PIK3R4: variants seen among roughly 807,000 people sequenced by gnomAD.
PIK3R4 encodes phosphoinositide 3-kinase regulatory subunit 4.
PIK3R4 carries 46 observed loss-of-function variants against 136.5 expected under a neutral mutation model. That is an observed-to-expected ratio of 0.34 (90% confidence interval 0.27 to 0.43). The LOEUF is 0.43. Among genes scored for constraint, PIK3R4 ranks in the 20% least tolerant of loss-of-function variants. The pLI is 1.00. For missense variants in PIK3R4, 1,331 were observed against 1,649.5 expected (o/e 0.81, Z 3.35); for synonymous variants, 557 against 566.7 (o/e 0.98, Z 0.24).
intron 16 of PIK3R4, among the ~76,000 whole-genome samples, chr3:130,682,826 G>A (rs62280688): frequency 1 from 152,315 of 152,318 alleles, 76,156 homozygotes; most frequent in Non-Finnish European, 1. Flanking sequence ...TAGAATTGTA[G>A]GTGATAAGGG....
intron 4 of PIK3R4, among the ~76,000 whole-genome samples, chr3:130,731,658 T>G (rs1448135798): frequency 6.6e-6 from 1 of 152,166 alleles, no homozygotes; most frequent in African/African-American, 2.4e-5. Flanking sequence ...TTTCCCCTTT[T>G]AAGTCCATAA....
chr3:130,695,133 G>C (rs2066539442), intron 13 of PIK3R4, among the ~76,000 whole-genome samples: 2 of 151,902 alleles, frequency 1.3e-5, no homozygotes, highest in Admixed American at 1.3e-4. Flanking sequence ...ATTGTACTTG[G>C]TCATGATATT....
intron 16 of PIK3R4, 66 bp from the exon 17 acceptor site, chr3:130,681,657 A>G: frequency 1.1e-6 from 1 of 942,236 alleles, no homozygotes; most frequent in African/African-American, 1.6e-5. Flanking sequence ...ACAACAAAAC[A>G]AATTGCAGTC....
In PIK3R4 at chr3:130,705,651, T is replaced by G. The variant is rs769234810; in HGVS notation, c.2842A>C (p.Ile948Leu). 6.2e-7 allele frequency: 1 copy of G among 1,613,478 alleles called. No homozygotes were observed. The highest frequency in any genetic ancestry group is 8.5e-7 in the Non-Finnish European group (1 of 1,179,404). ...TTCKTELQQL[I>L]QQKREQCNAE... ...TTGCACTGCTCCCGCTTTTGCTGGA[T>G]GAGTTGCTGAAGTTCAGTTTTACAA... Residue 948 changes from isoleucine to leucine, a missense_variant, in exon 12 of 20, where the codon ATC (isoleucine) becomes CTC (leucine). Physicochemically the swap from Ile to Leu is conservative, Grantham distance 5 (BLOSUM62 2). This residue lies in a region of PIK3R4 where 1,180 missense variants were observed against 1,407.0 expected (regional missense o/e 0.84). Coordinates refer to ENST00000356763, the MANE Select transcript of PIK3R4 (RefSeq NM_014602.3).
intron 5 of PIK3R4, among the ~76,000 whole-genome samples, chr3:130,729,979 G>A (rs1043487612): frequency 3.3e-5 from 5 of 152,148 alleles, no homozygotes; most frequent in African/African-American, 7.2e-5. Flanking sequence ...CTCACGTAAG[G>A]AGAAAAGGTT....
At chr3:130,704,306 C>T (rs2066595316) in intron 12 of PIK3R4, among the ~76,000 whole-genome samples, 1 of 152,204 alleles carries the variant, frequency 6.6e-6, no homozygotes, top group African/African-American at 2.4e-5. Flanking sequence ...TCATAAAATA[C>T]AGCAGTTTAT....
intron 13 of PIK3R4, among the ~76,000 whole-genome samples, chr3:130,702,197 G>A (rs545289950): frequency 3.2e-4 from 48 of 152,150 alleles, no homozygotes; most frequent in African/African-American, 9.9e-4. Flanking sequence ...GCAGAAAAAT[G>A]AATAGTTATA....
In PIK3R4 at chr3:130,716,387, T is replaced by C; in HGVS notation, c.2331+9A>G. ...ATTTAAATGTAAGACTTTGGAAGGGTGATACAACCTGTGAGAGCAACTTCT... is the reference window on the plus strand; with the variant it reads ...ATTTAAATGTAAGACTTTGGAAGGGCGATACAACCTGTGAGAGCAACTTCT... On this transcript the variant is annotated intron_variant, in intron 9 of 19. Coordinates refer to ENST00000356763, the MANE Select transcript of PIK3R4 (RefSeq NM_014602.3). 6.2e-7 allele frequency: 1 copy of C among 1,608,646 alleles called. No homozygotes were observed. Among genetic ancestry groups the C allele is most frequent in the African/African-American group, 1.3e-5 (1 of 74,924 alleles).
At chr3:130,740,947 G>C (rs1445131868) in intron 2 of PIK3R4, among the ~76,000 whole-genome samples, 1 of 151,986 alleles carries the variant, frequency 6.6e-6, no homozygotes, top group African/African-American at 2.4e-5. Context: ...TTTTATTTTT[G>C]CAAGTTTAAA....
chr3:130,710,247 A>C (rs2066626749), intron 9 of PIK3R4, among the ~76,000 whole-genome samples: 1 of 152,038 alleles, frequency 6.6e-6, no homozygotes, highest in South Asian at 2.1e-4. Context: ...ACAATATGAC[A>C]AAGCTGTGTT....
chr3:130,705,627 T>C lies in PIK3R4; in HGVS notation c.2866A>G (p.Asn956Asp), dbSNP rs748053061. Residue 956 changes from asparagine (N) to aspartate (D), a missense_variant, in exon 12 of 20, where the codon AAT becomes GAT. Physicochemically the swap from Asn to Asp is conservative, Grantham distance 23. This residue lies in a region of PIK3R4 where 1,180 missense variants were observed against 1,407.0 expected (regional missense o/e 0.84). Transcript: ENST00000356763. Reference sequence around the variant, plus strand: ...ATCTGCTTAGCTATTCTCTCAGCATTGCACTGCTCCCGCTTTTGCTGGATG... The same window carrying C: ...ATCTGCTTAGCTATTCTCTCAGCATCGCACTGCTCCCGCTTTTGCTGGATG... ...QLIQQKREQC[N>D]AERIAKQMME... 8.7e-6 allele frequency: 14 copies of C among 1,613,860 alleles called. No homozygotes were observed. Among genetic ancestry groups the C allele is most frequent in the Non-Finnish European group, 1.2e-5 (14 of 1,179,722 alleles).
At chr3:130,696,929 G>C (rs1031556376) in intron 13 of PIK3R4, among the ~76,000 whole-genome samples, 2 of 152,000 alleles carry the variant, frequency 1.3e-5, no homozygotes, top group Admixed American at 1.3e-4. Context: ...TTGGGGCTCT[G>C]CTGTTAAGTA....
At chr3:130,727,344 C>CG (rs978184246) in intron 6 of PIK3R4, among the ~76,000 whole-genome samples, 8 of 151,844 alleles carry the variant, frequency 5.3e-5, no homozygotes, top group Admixed American at 2.0e-4. Flanking sequence ...CCTCAGCCCC[C>CG]CTCCCGCCGC....
intron 2 of PIK3R4, among the ~76,000 whole-genome samples, 199 bp from the exon 3 acceptor site, chr3:130,736,201 A>G (rs1175978844): frequency 6.6e-6 from 1 of 152,206 alleles, no homozygotes; most frequent in East Asian, 1.9e-4. Context: ...TCTAAAGTAT[A>G]AAGTCAAAGA....
rs1167838137 is a variant in PIK3R4, at chr3:130,702,758, T to C, written c.3098+965A>G. Among the ~76,000 whole-genome samples the C allele has an allele frequency of 3.3e-5, 5 of 152,316 alleles. No individual in the cohort carries two copies. The East Asian group carries it at 9.6e-4, about 29-fold the overall frequency. On this transcript the variant is annotated intron_variant, in intron 13 of 19. Transcript: ENST00000356763. ...TAAAGTTGTACAAATCTAAAATATT[T>C]ATCATAATCACATTTATTAAAATCA...
intron 14 of PIK3R4, among the ~76,000 whole-genome samples, chr3:130,689,657 C>T (rs2066506359): frequency 6.6e-6 from 1 of 152,216 alleles, no homozygotes; most frequent in African/African-American, 2.4e-5. Context: ...GTGGGGTCCA[C>T]CACCTCCACC....
intron 19 of PIK3R4, among the ~76,000 whole-genome samples, chr3:130,680,060 C>CA (rs1163413860): frequency 0.094 from 6,106 of 64,788 alleles, 596 homozygotes; most frequent in African/African-American, 0.24. Context: ...GACTCCATCT[C>CA]AAAAAAAAAA....
In PIK3R4 at chr3:130,744,843, G is replaced by C. The variant is rs777513419; in HGVS notation, c.376C>G (p.Arg126Gly). Residue 126 changes from arginine (R) to glycine (G), a missense_variant, in exon 2 of 20, where the codon CGC (arginine) becomes GGC (glycine). This residue lies in a region of PIK3R4 where 151 missense variants were observed against 242.5 expected (regional missense o/e 0.62). Coordinates refer to ENST00000356763, the MANE Select transcript of PIK3R4 (RefSeq NM_014602.3). ...GTCAGGATCTGGAAAGCAATCCAGC[G>C]CTTCTCAATGTTATTCAAGAATGGA... ...TRPFLNNIEK[R>G]WIAFQILTAV... 5.6e-6 allele frequency: 9 copies of C among 1,614,052 alleles called. No individual in the cohort carries two copies. Among genetic ancestry groups the C allele is most frequent in the Non-Finnish European group, 5.9e-6 (7 of 1,180,040 alleles).
At chr3:130,735,811 A>C in intron 3 of PIK3R4, 58 bp downstream of exon 3, 1 of 1,485,266 alleles carries the variant, frequency 6.7e-7, no homozygotes, top group Non-Finnish European at 9.1e-7. Flanking sequence ...TGATTAAAGC[A>C]AAAGTGGGAA....
Sources: allele counts gnomAD v4.1 joint callset (sites outside exome capture counted in the v4.1 genomes callset), GRCh38; gene constraint gnomAD v4.1.1; regional missense constraint gnomAD v4.1.1; transcripts MANE v1.5; gene names NCBI Gene and HGNC (gene_info 2026-07-23, HGNC 2026-07-21).